The following HPS1 variants were observed in gnomAD, a reference collection of about 807,000 sequenced individuals.
The protein encoded by HPS1 is BLOC-3 complex member HPS1.
HPS1 carries 59 observed loss-of-function variants against 90.6 expected under a neutral mutation model. The observed-to-expected ratio is 0.65, with a 90% CI of 0.53 to 0.81. The LOEUF is 0.81. Ranked by LOEUF, HPS1 falls within the 30% of genes least tolerant of loss-of-function variation. The pLI, the probability that HPS1 is intolerant of heterozygous loss-of-function variation, is 0.00. For synonymous variants in HPS1, 388 were observed against 384.4 expected, an observed-to-expected ratio of 1.01 and a Z score of -0.11; for missense variants, 849 against 896.7, an observed-to-expected ratio of 0.95 and a Z score of 0.68.
intron 7 of HPS1, 44 bp from the exon 8 acceptor site, chr10:98,430,714 A>T: frequency 6.7e-7 from 1 of 1,483,728 alleles, no homozygotes; most frequent in Non-Finnish European, 9.2e-7. Flanking sequence ...CATGCCCAGC[A>T]GGAGACGGGG....
rs760689809 is a variant in HPS1 at position 98,423,818 on chromosome 10, T to G, written c.1467A>C (p.Thr489=). Residue 489 remains threonine (T), a synonymous_variant, in exon 15 of 20, where the codon ACA becomes ACC. Transcript: ENST00000361490. Reference sequence around the variant, plus strand: ...GGTGTGGGCCTCCCCTGCTGGGGGCTGTGGTCAGAAAGTTCAGCCGGTAGA... The same window carrying G: ...GGTGTGGGCCTCCCCTGCTGGGGGCGGTGGTCAGAAAGTTCAGCCGGTAGA... The part of the protein sequence containing the change: ...CAIYRLNFLT[T]APSRGGPHLP... 4 of 1,613,896 alleles carry G rather than the reference T, an allele frequency of 2.5e-6. No homozygotes were observed. The South Asian group carries it at 4.4e-5, about 18-fold the overall frequency.
At chr10:98,431,372 C>T (rs2136215395) in intron 6 of HPS1, 81 bp from the exon 7 acceptor site, 2 of 1,420,194 alleles carry the variant, frequency 1.4e-6, no homozygotes, top group East Asian at 4.8e-5. Context: ...TGGGGACATT[C>T]ACTCTGTCCA....
At chr10:98,424,188 A>G (rs1845285056) in intron 14 of HPS1, 125 bp downstream of exon 14, 3 of 826,844 alleles carry the variant, frequency 3.6e-6, no homozygotes, top group Admixed American at 2.0e-5. Context: ...GTATGTGGGA[A>G]GAAATCTCCT....
At chr10:98,426,603 CAT>C (rs1845632125) in intron 11 of HPS1, among the ~76,000 whole-genome samples, 2 of 152,204 alleles carry the variant, frequency 1.3e-5, no homozygotes, top group Non-Finnish European at 2.9e-5. Context: ...AGATAAATAA[CAT>C]ATGCATGTGA....
chr10:98,436,903 GAGT>G (rs1331650951), intron 3 of HPS1, among the ~76,000 whole-genome samples: 1 of 152,216 alleles, frequency 6.6e-6, no homozygotes, highest in Admixed American at 6.5e-5. Context: ...CAGCACTATG[GAGT>G]AGGTTTTCCT....
chr10:98,443,627 G>A (rs897836861), intron 2 of HPS1, among the ~76,000 whole-genome samples: 3 of 152,218 alleles, frequency 2.0e-5, no homozygotes, highest in Non-Finnish European at 2.9e-5. Context: ...ACATGGAGCC[G>A]AATGCCCAGG....
At chr10:98,430,464 C>T (rs1188384947) in intron 8 of HPS1, 107 bp downstream of exon 8, 2 of 834,410 alleles carry the variant, frequency 2.4e-6, no homozygotes, top group Admixed American at 2.0e-5. Context: ...AGAATTGTGA[C>T]TTAGAAAACA....
downstream of HPS1, chr10:98,414,860 G>A: frequency 8.2e-7 from 1 of 1,219,494 alleles, no homozygotes; most frequent in African/African-American, 1.5e-5. Flanking sequence ...GCTTTCCATT[G>A]CAGCCCCTGC....
At chr10:98,429,925 T>C (rs1158767816) in intron 8 of HPS1, 36 bp from the exon 9 acceptor site, 2 of 1,576,250 alleles carry the variant, frequency 1.3e-6, no homozygotes, top group Non-Finnish European at 1.7e-6. Flanking sequence ...TTAGCTCCTA[T>C]CTGACCTGGC....
At position 98,417,983 on chromosome 10, in the gene HPS1, G is replaced by T. The variant is rs1844324099; in HGVS notation, c.1940+192C>A. On this transcript the variant is annotated intron_variant, in intron 19 of 19. Coordinates refer to ENST00000361490, the MANE Select transcript of HPS1 (RefSeq NM_000195.5). The surrounding 1 kb of genome is among the most constrained non-coding windows in gnomAD (Gnocchi z 4.2). ...CCAAGACCATGCCAGCAGGAAGGTG[G>T]TAGGAACACAGATGTACCCTCCACA... is the stretch of plus-strand genomic sequence containing the variant. Among the ~76,000 whole-genome samples, 2 of 152,178 alleles carry T rather than the reference G, an allele frequency of 1.3e-5. No individual in the cohort carries two copies. Among genetic ancestry groups the T allele is most frequent in the African/African-American group, 4.8e-5 (2 of 41,450 alleles).
At chr10:98,443,076 T>C in intron 3 of HPS1, 48 bp downstream of exon 3, 2 of 1,311,274 alleles carry the variant, frequency 1.5e-6, no homozygotes, top group Non-Finnish European at 2.2e-6. Context: ...GAGTTTTGTA[T>C]GGTTCCTTCC....
At chr10:98,424,668 TG>T (rs890940900) in intron 13 of HPS1, among the ~76,000 whole-genome samples, 1 of 150,650 alleles carries the variant, frequency 6.6e-6, no homozygotes, top group African/African-American at 2.4e-5. Context: ...CCCCTCGGGG[TG>T]GGGGGCACAC....
intron 6 of HPS1, among the ~76,000 whole-genome samples, chr10:98,432,165 G>A (rs1169184563): frequency 1.3e-5 from 2 of 152,172 alleles, no homozygotes; most frequent in Non-Finnish European, 2.9e-5. Flanking sequence ...AATAGGCAGC[G>A]ATAGATCACA....
chr10:98,434,560 T>C (rs1847016518), intron 5 of HPS1, among the ~76,000 whole-genome samples: 1 of 151,578 alleles, frequency 6.6e-6, no homozygotes, highest in Non-Finnish European at 1.5e-5. Context: ...TGGGCTAAAA[T>C]GACTCATGAA....
intron 3 of HPS1, among the ~76,000 whole-genome samples, chr10:98,438,560 G>A (rs930928165): frequency 2.0e-5 from 3 of 152,218 alleles, no homozygotes; most frequent in African/African-American, 4.8e-5. Flanking sequence ...TTTCTAGGTA[G>A]CAAAGCATTC....
chr10:98,444,122 C>G (rs1939002805), intron 2 of HPS1, among the ~76,000 whole-genome samples: 1 of 152,134 alleles, frequency 6.6e-6, no homozygotes, highest in Non-Finnish European at 1.5e-5. Context: ...TTCAGCACCA[C>G]AGAAGTTTCA....
At chr10:98,425,100 G>A (rs1845418609) in intron 13 of HPS1, among the ~76,000 whole-genome samples, 1 of 152,182 alleles carries the variant, frequency 6.6e-6, no homozygotes, top group Admixed American at 6.5e-5. Flanking sequence ...TAAGCTCACT[G>A]GGGGTGGGGT....
intron 5 of HPS1, among the ~76,000 whole-genome samples, chr10:98,434,671 ATCTT>A (rs1847040145): frequency 6.6e-6 from 1 of 151,918 alleles, no homozygotes; most frequent in South Asian, 2.1e-4. Context: ...TTCCCAATCC[ATCTT>A]AGAGAATCAG....
Position 98,420,073 on chromosome 10 carries a change from G to A in HPS1, c.1829C>T (p.Ser610Phe). 6.2e-7 allele frequency: 1 copy of A among 1,613,794 alleles called. No individual in the cohort carries two copies. Among genetic ancestry groups the A allele is most frequent in the Non-Finnish European group, 8.5e-7 (1 of 1,179,690 alleles). ...GTCATTCTCGAACCACAGGAAGTAGGAGCAGTAGAAATCCCCCTCCTGGAA... is the reference window on the plus strand; with the variant it reads ...GTCATTCTCGAACCACAGGAAGTAGAAGCAGTAGAAATCCCCCTCCTGGAA... ...LLFQEGDFYCSYFLWFENDMG... is the reference protein window; with the variant it reads ...LLFQEGDFYCFYFLWFENDMG... Residue 610 changes from serine (S) to phenylalanine (F), a missense_variant, in exon 18 of 20, where the codon TCC becomes TTC. Coordinates refer to ENST00000361490, the MANE Select transcript of HPS1 (RefSeq NM_000195.5).
Sources: allele counts gnomAD v4.1 joint callset (sites outside exome capture counted in the v4.1 genomes callset), GRCh38; gene constraint gnomAD v4.1.1; non-coding constraint Gnocchi (gnomAD v3.1); transcripts MANE v1.5; gene names NCBI Gene and HGNC (gene_info 2026-07-23, HGNC 2026-07-21).